The following SLC16A1 variants were observed in gnomAD, a reference collection of about 807,000 sequenced individuals.
The protein encoded by SLC16A1 is solute carrier family 16 member 1.
A neutral mutation model predicts 32.2 loss-of-function variants in SLC16A1; 11 were observed. That is an observed-to-expected ratio of 0.34 (90% confidence interval 0.21 to 0.56). The LOEUF is 0.56. Ranked by LOEUF, SLC16A1 falls within the 20% of genes least tolerant of loss-of-function variation. The probability of loss-of-function intolerance (pLI) is 0.87; values close to 1 mark genes in which losing one functional copy is unlikely to be tolerated. For synonymous variants in SLC16A1, 231 were observed against 226.8 expected (o/e 1.02, Z -0.17); for missense variants, 435 against 615.0 (o/e 0.71, Z 3.10).
At chr1:112,949,304 C>T (rs1649809026) in intron 1 of SLC16A1, among the ~76,000 whole-genome samples, 1 of 152,242 alleles carries the variant, frequency 6.6e-6, no homozygotes, top group African/African-American at 2.4e-5. Flanking sequence ...TCACCTCGGC[C>T]TCCCAAAGTG....
In SLC16A1 at chr1:112,929,007, C is replaced by CTT. The variant is rs10627911; in HGVS notation, c.217+83_217+84dup. 4.0e-3 allele frequency: 3,203 copies of CTT among 804,870 alleles called. 3 individuals carry two copies. The highest frequency in any genetic ancestry group is 7.3e-3 in the African/African-American group (407 of 55,820). 49.9% of individuals were successfully genotyped at this position (804,870 alleles called of 1,614,324 possible). A position where few individuals can be genotyped will look rare whatever the true frequency, so the allele number is the denominator to read the frequency against. ...TTTCAAAACATCTCACTGAATAAGACTTTTTTTTTTTTTTAAAGTTACCTA... is the reference window on the plus strand; with the variant it reads ...TTTCAAAACATCTCACTGAATAAGACTTTTTTTTTTTTTTTTAAAGTTACCTA... On this transcript the variant is annotated intron_variant, in intron 2 of 4. Coordinates refer to ENST00000369626, the MANE Select transcript of SLC16A1 (RefSeq NM_003051.4).
In SLC16A1 at chr1:112,917,336, C is replaced by T. The variant is rs371130423; in HGVS notation, c.1070G>A (p.Cys357Tyr). ...AAATCCAAAGAATCCCGCATAGACA[C>T]AGAATCCAACATAGGTAGTGGATAA... Reference protein sequence around the residue: ...APLSTTYVGFCVYAGFFGFAF... With the variant: ...APLSTTYVGFYVYAGFFGFAF... Residue 357 changes from cysteine to tyrosine, a missense_variant, in exon 4 of 5, where the codon TGT (cysteine) becomes TAT (tyrosine). Cys to Tyr is a radical substitution (Grantham distance 194). Around this residue, in one of 2 missense-constraint regions of SLC16A1, gnomAD observed 324 missense variants for 500.3 expected, o/e 0.65. Transcript: ENST00000369626. The surrounding 1 kb of genome is among the most constrained non-coding windows in gnomAD (Gnocchi z 4.1). The T allele has an allele frequency of 1.8e-5, 29 of 1,614,100 alleles. No homozygotes were observed. Among genetic ancestry groups the T allele is most frequent in the Non-Finnish European group, 2.4e-5 (28 of 1,180,050 alleles).
At chr1:112,916,188 T>G (rs1330335188) in intron 4 of SLC16A1, among the ~76,000 whole-genome samples, 1 of 118,344 alleles carries the variant, frequency 8.4e-6, no homozygotes, top group Non-Finnish European at 1.8e-5. Context: ...TTTTTTTTTT[T>G]GCTTTTTGTG....
chr1:112,947,252 T>C (rs972099793), intron 1 of SLC16A1, among the ~76,000 whole-genome samples: 6 of 152,254 alleles, frequency 3.9e-5, no homozygotes, highest in Non-Finnish European at 5.9e-5. Flanking sequence ...TATTAACACA[T>C]AACCTACCCT....
intron 3 of SLC16A1, among the ~76,000 whole-genome samples, chr1:112,920,017 G>A (rs1488767935): frequency 1.3e-5 from 2 of 152,046 alleles, no homozygotes; most frequent in African/African-American, 4.8e-5. Flanking sequence ...TATCTCTACA[G>A]CACCTAAAAT....
rs142816530 is a variant in SLC16A1, at chr1:112,914,547, T to C, written c.1229-382A>G. Among the ~76,000 whole-genome samples, 453 of 152,360 alleles carry C rather than the reference T, an allele frequency of 3.0e-3. 7 individuals are homozygous for C. The highest frequency in any genetic ancestry group is 0.011 in the African/African-American group (438 of 41,574). ...GTCCCATTTACCCAGGCCAATGCTCTTTCTCTCTCAGCATTTCCCAAAGAG... is the reference window on the plus strand; with the variant it reads ...GTCCCATTTACCCAGGCCAATGCTCCTTCTCTCTCAGCATTTCCCAAAGAG... On this transcript the variant is annotated intron_variant, in intron 4 of 4. Coordinates refer to ENST00000369626, the MANE Select transcript of SLC16A1 (RefSeq NM_003051.4).
At chr1:112,918,125 G>A in intron 3 of SLC16A1, 81 bp from the exon 4 acceptor site, 1 of 1,058,402 alleles carries the variant, frequency 9.4e-7, no homozygotes, top group Non-Finnish European at 1.2e-6. Context: ...AATAATGGAA[G>A]GAATAGGATA....
intron 1 of SLC16A1, among the ~76,000 whole-genome samples, chr1:112,941,348 C>G (rs1043311999): frequency 3.9e-4 from 54 of 139,304 alleles, no homozygotes; most frequent in African/African-American, 1.5e-3. Flanking sequence ...ATGGTACGAT[C>G]TTGGCTCACC....
At chr1:112,920,341 C>A (rs1172069715) in intron 3 of SLC16A1, among the ~76,000 whole-genome samples, 3 of 152,170 alleles carry the variant, frequency 2.0e-5, no homozygotes, top group Admixed American at 1.3e-4. Flanking sequence ...GGTGCAGTGG[C>A]TCACGCCTGT....
intron 1 of SLC16A1, among the ~76,000 whole-genome samples, chr1:112,939,011 C>T (rs1165571341): frequency 6.6e-6 from 1 of 151,792 alleles, no homozygotes; most frequent in Non-Finnish European, 1.5e-5. Context: ...CTGCCTCAGC[C>T]TCCTCAGTAG....
intron 1 of SLC16A1, among the ~76,000 whole-genome samples, chr1:112,953,703 C>T (rs562263412): frequency 6.6e-6 from 1 of 152,302 alleles, no homozygotes; most frequent in East Asian, 1.9e-4. Flanking sequence ...ACCCTGTACT[C>T]TTGAGTGTAG....
intron 1 of SLC16A1, among the ~76,000 whole-genome samples, chr1:112,930,146 G>C (rs1649079688): frequency 6.6e-6 from 1 of 152,186 alleles, no homozygotes; most frequent in Non-Finnish European, 1.5e-5. Context: ...TTTATAGCTG[G>C]TGAGTCACAA....
rs746152220 is a variant in SLC16A1, at chr1:112,914,010, T to C, written c.1384A>G (p.Lys462Glu). The change falls in exon 5 of 5, where the codon AAA becomes GAA. Residue 462 changes from lysine to glutamate, a missense_variant. Coordinates refer to ENST00000369626, the MANE Select transcript of SLC16A1 (RefSeq NM_003051.4). ...ACATCTATACTGGTCTCTTCCTCTTTACTTTCCTTTTTCTGCTCGTTTGCT... is the reference window on the plus strand; with the variant it reads ...ACATCTATACTGGTCTCTTCCTCTTCACTTTCCTTTTTCTGCTCGTTTGCT... Reference protein sequence around the residue: ...QKANEQKKESKEEETSIDVAG... With the variant: ...QKANEQKKESEEEETSIDVAG... The C allele has an allele frequency of 4.3e-6, 7 of 1,614,204 alleles. No individual in the cohort carries two copies. Among genetic ancestry groups the C allele is most frequent in the South Asian group, 1.1e-5 (1 of 91,078 alleles).
At chr1:112,951,314 C>CT (rs1444349393) in intron 1 of SLC16A1, among the ~76,000 whole-genome samples, 1 of 150,838 alleles carries the variant, frequency 6.6e-6, no homozygotes, top group African/African-American at 2.5e-5. Flanking sequence ...GGGGGGCCTA[C>CT]TAGGAGAAAT....
intron 1 of SLC16A1, among the ~76,000 whole-genome samples, chr1:112,948,733 C>A (rs1187647444): frequency 6.6e-6 from 1 of 152,124 alleles, no homozygotes; most frequent in Non-Finnish European, 1.5e-5. Flanking sequence ...GAACTCCTGA[C>A]CTCAGGTGTT....
chr1:112,923,797 T>C (rs948075028), intron 2 of SLC16A1: 3 of 1,495,670 alleles, frequency 2.0e-6, no homozygotes, highest in Non-Finnish European at 2.8e-6. Flanking sequence ...ACCTGGGAAG[T>C]GGCCAAGATC....
At chr1:112,927,462 T>G (rs977341471) in intron 2 of SLC16A1, among the ~76,000 whole-genome samples, 2 of 152,108 alleles carry the variant, frequency 1.3e-5, no homozygotes, top group African/African-American at 2.4e-5. Context: ...GTGGTCCAAA[T>G]GAACAAGTTA....
intron 4 of SLC16A1, among the ~76,000 whole-genome samples, chr1:112,916,893 C>T (rs1019408557): frequency 6.6e-6 from 1 of 152,060 alleles, no homozygotes; most frequent in African/African-American, 2.4e-5. Flanking sequence ...GGTGCCACTG[C>T]ACTCCAGCCT....
At chr1:112,936,615 C>A (rs1649319018) in intron 1 of SLC16A1, among the ~76,000 whole-genome samples, 1 of 151,916 alleles carries the variant, frequency 6.6e-6, no homozygotes, top group Admixed American at 6.6e-5. Context: ...TAGGACTATG[C>A]ATTCTGGAAT....
Sources: gnomAD v4.1 joint callset for allele counts (sites outside exome capture counted in the v4.1 genomes callset) on GRCh38, gnomAD v4.1.1 for gene constraint, gnomAD v4.1.1 regional missense constraint, Gnocchi (gnomAD v3.1) non-coding constraint, MANE v1.5 for transcripts, NCBI Gene and HGNC (gene_info 2026-07-23, HGNC 2026-07-21) for gene names.